Variants in RBFOX3 observed in about 807,000 individuals in gnomAD.
RBFOX3 encodes RNA binding fox-1 homolog 3.
RBFOX3 carries 17 observed loss-of-function variants against 48.7 expected under a neutral mutation model. The observed-to-expected ratio is 0.35, with a 90% confidence interval of 0.24 to 0.52. RBFOX3 has a LOEUF of 0.52. Among genes scored for constraint, RBFOX3 ranks in the 20% least tolerant of loss-of-function variants. RBFOX3 has a pLI of 0.94. For synonymous variants in RBFOX3, 212 were observed against 209.5 expected, an observed-to-expected ratio of 1.01 and a Z score of -0.10; for missense variants, 382 against 497.5, an observed-to-expected ratio of 0.77 and a Z score of 2.21.
Position 79,299,610 on chromosome 17 carries a change from C to T in RBFOX3, c.-74+8114G>A, listed in dbSNP as rs80129071. On this transcript the variant is annotated intron_variant, in intron 3 of 14. Transcript: ENST00000693108. This position sits in a 1 kb window ranked among gnomAD's most constrained non-coding sequence, Gnocchi z 4.5. ...ACCAGGGGTTTGAGCATCGTCAGAT[C>T]GTGGGGTTTTTGGAACTAACCCCCT... Among the ~76,000 whole-genome samples the T allele has an allele frequency of 7.3e-3, 1,114 of 152,240 alleles. 13 individuals are homozygous for T. Among genetic ancestry groups the T allele is most frequent in the African/African-American group, 0.026 (1,059 of 41,526 alleles).
At chr17:79,518,392 G>A (rs1469315924) in intron 1 of RBFOX3, among the ~76,000 whole-genome samples, 2 of 152,148 alleles carry the variant, frequency 1.3e-5, no homozygotes, top group Non-Finnish European at 2.9e-5. Context: ...AGGCGGGGAT[G>A]GGGGCGCCTC....
At chr17:79,613,368 T>C (rs1476449445), upstream of RBFOX3, among the ~76,000 whole-genome samples, 3 of 152,248 alleles carry the variant, frequency 2.0e-5, no homozygotes, top group East Asian at 5.8e-4. Context: ...CCCCAGAGAG[T>C]TTGCCCTTCG....
chr17:79,097,365 G>A lies in RBFOX3; in HGVS notation c.682C>T (p.Arg228Trp). The A allele has an allele frequency of 6.5e-7, 1 of 1,548,406 alleles. No homozygotes were observed. Among genetic ancestry groups the A allele is most frequent in the Non-Finnish European group, 8.7e-7 (1 of 1,146,150 alleles). ...TAVAYRGAHL[R>W]GRGRAVYNTF... The stretch of plus-strand genomic sequence containing the variant: ...TTATACACGGCCCGGCCCCGGCCCC[G>A]AAGATGTGCGCCCCGGTAGGCAACG... The change falls in exon 11 of 15, where the codon CGG (arginine) becomes TGG (tryptophan). Residue 228 changes from arginine to tryptophan, a missense_variant. Coordinates refer to ENST00000693108, the MANE Select transcript of RBFOX3 (RefSeq NM_001350451.2).
intron 1 of RBFOX3, among the ~76,000 whole-genome samples, chr17:79,589,273 G>T (rs1041735146): frequency 1.2e-3 from 176 of 146,884 alleles, no homozygotes; most frequent in African/African-American, 4.3e-3. Context: ...TCTTCTGGGG[G>T]CTCTGAGCGA....
chr17:79,174,846 G>A (rs1021321626), intron 4 of RBFOX3, among the ~76,000 whole-genome samples: 17 of 152,248 alleles, frequency 1.1e-4, no homozygotes, highest in African/African-American at 3.9e-4. Flanking sequence ...AGGAGTAGGC[G>A]ACCTGGGCAC....
chr17:79,517,259 G>A (rs1247732746), intron 1 of RBFOX3, among the ~76,000 whole-genome samples: 2 of 151,854 alleles, frequency 1.3e-5, no homozygotes, highest in African/African-American at 2.4e-5. Context: ...CAGCCTGACC[G>A]ACATGGTAAA....
chr17:79,536,026 T>C (rs577657817), intron 1 of RBFOX3, among the ~76,000 whole-genome samples: 202 of 152,250 alleles, frequency 1.3e-3, no homozygotes, highest in African/African-American at 4.5e-3. Flanking sequence ...CATTCCTGGC[T>C]AGATTTAAGC....
intron 2 of RBFOX3, among the ~76,000 whole-genome samples, chr17:79,340,208 A>T (rs534107521): frequency 9.3e-5 from 14 of 151,000 alleles, no homozygotes; most frequent in African/African-American, 3.4e-4. Flanking sequence ...CTGAGGCAGG[A>T]GGATTGCTTG....
chr17:79,124,661 G>C (rs2036669570), intron 4 of RBFOX3, among the ~76,000 whole-genome samples: 1 of 194 alleles, frequency 5.2e-3, no homozygotes. Flanking sequence ...GTGTTGCGGG[G>C]GTGGGTGGCC....
chr17:79,256,887 A>G (rs1052922793), intron 3 of RBFOX3, among the ~76,000 whole-genome samples: 4 of 151,914 alleles, frequency 2.6e-5, no homozygotes, highest in Non-Finnish European at 5.9e-5. Flanking sequence ...GTGCCACTGC[A>G]CTCCAGCCTG....
At chr17:79,536,393 C>G (rs2088757520) in intron 1 of RBFOX3, among the ~76,000 whole-genome samples, 1 of 152,226 alleles carries the variant, frequency 6.6e-6, no homozygotes. Context: ...TTCTAATCAC[C>G]ATCAGATGTG....
At chr17:79,528,130 G>A (rs2087060693) in intron 1 of RBFOX3, among the ~76,000 whole-genome samples, 1 of 152,144 alleles carries the variant, frequency 6.6e-6, no homozygotes, top group Admixed American at 6.5e-5. Flanking sequence ...TCTCTGAGGA[G>A]GATCTTAGTT....
chr17:79,108,982 C>T (rs893169988), intron 5 of RBFOX3, among the ~76,000 whole-genome samples: 1 of 152,254 alleles, frequency 6.6e-6, no homozygotes, highest in African/African-American at 2.4e-5. Context: ...CAGCACACAC[C>T]CCACAGCGTG....
chr17:79,367,042 C>G (rs570265327), intron 2 of RBFOX3, among the ~76,000 whole-genome samples: 1 of 152,164 alleles, frequency 6.6e-6, no homozygotes, highest in South Asian at 2.1e-4. Context: ...TCTGCTGCAC[C>G]GTGTTGTGAC....
At chr17:79,656,181 G>C in the RBFOX3 span, among the ~76,000 whole-genome samples, 9 of 152,184 alleles carry the variant, frequency 5.9e-5, no homozygotes, top group Non-Finnish European at 1.0e-4. Flanking sequence ...CGGCCAACTT[G>C]CTGTCAAGGG....
intron 1 of RBFOX3, among the ~76,000 whole-genome samples, chr17:79,536,553 A>G (rs2088788517): frequency 1.3e-5 from 2 of 152,260 alleles, no homozygotes; most frequent in South Asian, 4.1e-4. Flanking sequence ...AGCCCCGTCA[A>G]CGGTGATCCA....
the RBFOX3 span, among the ~76,000 whole-genome samples, chr17:79,648,126 C>T: frequency 6.6e-6 from 1 of 152,084 alleles, no homozygotes. Flanking sequence ...CTAGTCCCTC[C>T]GAAGCAACAG....
intron 1 of RBFOX3, among the ~76,000 whole-genome samples, chr17:79,585,652 C>T (rs2093225916): frequency 6.6e-6 from 1 of 152,120 alleles, no homozygotes; most frequent in Non-Finnish European, 1.5e-5. Flanking sequence ...CATGAGCTGG[C>T]ACTTGGGTAT....
At chr17:79,167,185 G>C (rs2048174878) in intron 4 of RBFOX3, among the ~76,000 whole-genome samples, 1 of 152,224 alleles carries the variant, frequency 6.6e-6, no homozygotes, top group Non-Finnish European at 1.5e-5. Flanking sequence ...TCAAGTCAGA[G>C]ACTTCCAGAC....
Sources: gnomAD v4.1 joint callset for allele counts (sites outside exome capture counted in the v4.1 genomes callset) on GRCh38, gnomAD v4.1.1 for gene constraint, Gnocchi (gnomAD v3.1) non-coding constraint, MANE v1.5 for transcripts, NCBI Gene and HGNC (gene_info 2026-07-23, HGNC 2026-07-21) for gene names.